The following RBFOX1 variants were observed in gnomAD, a reference collection of about 807,000 sequenced individuals.
RBFOX1 encodes the protein RNA binding fox-1 homolog 1.
RBFOX1 carries 8 observed loss-of-function variants against 57.7 expected under a neutral mutation model. That is an observed-to-expected ratio of 0.14 (90% CI 0.08 to 0.25). The LOEUF (loss-of-function observed/expected upper bound fraction) is 0.25, where lower values mean the gene tolerates loss of function less well. RBFOX1 is among the 10% of genes least tolerant of loss of function. The pLI is 1.00. For synonymous variants in RBFOX1, 326 were observed against 222.4 expected (o/e 1.47, Z -4.15); for missense variants, 611 against 548.5 (o/e 1.11, Z -1.14).
At chr16:7,449,374 G>A (rs1356203508) in intron 4 of RBFOX1, among the ~76,000 whole-genome samples, 1 of 152,168 alleles carries the variant, frequency 6.6e-6, no homozygotes, top group Non-Finnish European at 1.5e-5. Flanking sequence ...GTCAGTGGGG[G>A]AGAATGGCAG....
intron 2 of RBFOX1, among the ~76,000 whole-genome samples, chr16:6,425,879 G>T (rs1168961205): frequency 6.6e-6 from 1 of 152,086 alleles, no homozygotes; most frequent in Admixed American, 6.6e-5. Context: ...ATTGTCAAGT[G>T]TACAATTCCG....
At chr16:5,793,769 GTGTGTA>G (rs1030642904) in intron 3 of RBFOX1, among the ~76,000 whole-genome samples, 5 of 150,916 alleles carry the variant, frequency 3.3e-5, no homozygotes, top group Non-Finnish European at 7.3e-5. Context: ...ATGCATGCAT[GTGTGTA>G]TGTGCATGTG....
At chr16:7,306,115 G>C (rs2096178015) in intron 4 of RBFOX1, among the ~76,000 whole-genome samples, 1 of 152,078 alleles carries the variant, frequency 6.6e-6, no homozygotes. Context: ...TACCTAGCAA[G>C]TAGAATGCTA....
At chr16:5,940,907 G>A (rs1028476332) in intron 4 of RBFOX1, among the ~76,000 whole-genome samples, 6 of 152,290 alleles carry the variant, frequency 3.9e-5, no homozygotes, top group Middle Eastern at 6.8e-3. Flanking sequence ...AGGAGCTGAG[G>A]TCTTGATTTT....
At chr16:7,490,888 G>A (rs1489015885) in intron 4 of RBFOX1, among the ~76,000 whole-genome samples, 6 of 152,152 alleles carry the variant, frequency 3.9e-5, no homozygotes, top group Non-Finnish European at 4.4e-5. Context: ...ACATTAGGGT[G>A]TCTTTATCAG....
intron 4 of RBFOX1, among the ~76,000 whole-genome samples, chr16:7,234,210 A>C (rs1355828162): frequency 6.6e-6 from 1 of 152,054 alleles, no homozygotes; most frequent in African/African-American, 2.4e-5. Context: ...AGGGACAGTG[A>C]GGGCTCACAT....
chr16:7,305,137 G>A (rs1279525198), intron 4 of RBFOX1, among the ~76,000 whole-genome samples: 1 of 151,676 alleles, frequency 6.6e-6, no homozygotes, highest in Non-Finnish European at 1.5e-5. Flanking sequence ...GTGTGCGTGT[G>A]TGGGTTTTTT....
chr16:6,959,584 C>A lies in RBFOX1; in HGVS notation c.-15-92473C>A, dbSNP rs558349445. 1.2e-4 allele frequency among the ~76,000 whole-genome samples: 19 copies of A among 152,230 alleles called. No individual in the cohort carries two copies. The South Asian group carries it at 3.1e-3, about 25-fold the overall frequency. Reference sequence around the variant, plus strand: ...GTGGCAAAGCAGGTCTCCCTCAAGGCTGAACAGGCAGGCCTCTGTAACAAC... The same window carrying A: ...GTGGCAAAGCAGGTCTCCCTCAAGGATGAACAGGCAGGCCTCTGTAACAAC... On this transcript the variant is annotated intron_variant, in intron 3 of 15. Transcript: ENST00000550418.
intron 15 of RBFOX1, chr16:7,709,486 T>TCA (rs781477317): frequency 6.8e-7 from 1 of 1,470,546 alleles, no homozygotes; most frequent in South Asian, 1.3e-5. Flanking sequence ...TGCTGCTCAT[T>TCA]CACATAGCCC....
At chr16:6,950,312 T>A (rs1344215146) in intron 3 of RBFOX1, among the ~76,000 whole-genome samples, 4 of 151,934 alleles carry the variant, frequency 2.6e-5, no homozygotes, top group Admixed American at 2.6e-4. Flanking sequence ...CACAGCCTCA[T>A]GTACACACCC....
At chr16:6,988,564 T>C (rs1488921131) in intron 3 of RBFOX1, among the ~76,000 whole-genome samples, 1 of 120,232 alleles carries the variant, frequency 8.3e-6, no homozygotes, top group African/African-American at 2.7e-5. Context: ...TTTAACTTTA[T>C]TTAATTTTAT....
intron 5 of RBFOX1, among the ~76,000 whole-genome samples, chr16:7,575,247 G>T (rs530217792): frequency 1.3e-5 from 2 of 151,958 alleles, no homozygotes; most frequent in African/African-American, 4.8e-5. Context: ...CGATTCTCCT[G>T]CCTCACCCTC....
chr16:6,980,564 G>C (rs1329204307), intron 3 of RBFOX1, among the ~76,000 whole-genome samples: 1 of 152,202 alleles, frequency 6.6e-6, no homozygotes, highest in Non-Finnish European at 1.5e-5. Context: ...AGAATCAAAA[G>C]CGAGTATTGA....
At chr16:6,436,981 A>G (rs1567270931) in intron 2 of RBFOX1, among the ~76,000 whole-genome samples, 1 of 152,148 alleles carries the variant, frequency 6.6e-6, no homozygotes, top group Non-Finnish European at 1.5e-5. Flanking sequence ...CGAGATGTCT[A>G]TTTTTGACTT....
chr16:6,755,839 C>G (rs377471582), intron 3 of RBFOX1, among the ~76,000 whole-genome samples: 5 of 152,088 alleles, frequency 3.3e-5, no homozygotes, highest in African/African-American at 7.2e-5. Flanking sequence ...AATATGGATT[C>G]TTTCAGAGCT....
At chr16:6,243,137 C>CGTGT (rs34797833) in intron 1 of RBFOX1, among the ~76,000 whole-genome samples, 3,624 of 150,414 alleles carry the variant, frequency 0.024, 77 homozygotes, top group African/African-American at 0.061. Flanking sequence ...GATATTTATA[C>CGTGT]GTGTGTCTGT....
intron 1 of RBFOX1, among the ~76,000 whole-genome samples, chr16:5,453,874 A>T (rs1430906034): frequency 6.6e-6 from 1 of 152,212 alleles, no homozygotes; most frequent in African/African-American, 2.4e-5. Flanking sequence ...GGGTTTTGTT[A>T]TTTCTTTGCC....
At chr16:7,699,939 A>C (rs891859960) in intron 14 of RBFOX1, among the ~76,000 whole-genome samples, 3 of 152,146 alleles carry the variant, frequency 2.0e-5, no homozygotes, top group African/African-American at 4.8e-5. Flanking sequence ...ATGTTGTGAC[A>C]GATAATCTGG....
At chr16:6,947,386 C>G (rs756893583) in intron 3 of RBFOX1, among the ~76,000 whole-genome samples, 2 of 152,200 alleles carry the variant, frequency 1.3e-5, no homozygotes, top group Non-Finnish European at 1.5e-5. Flanking sequence ...CTTAATCGCT[C>G]TCCCTGGTTT....
Sources: gnomAD v4.1 joint callset for allele counts (sites outside exome capture counted in the v4.1 genomes callset) on GRCh38, gnomAD v4.1.1 for gene constraint, MANE v1.5 for transcripts, NCBI Gene and HGNC (gene_info 2026-07-23, HGNC 2026-07-21) for gene names.